Variants in ROR1 observed in about 807,000 individuals in gnomAD.
ROR1 encodes ROR family WNT receptor 1, also known as inactive tyrosine-protein kinase transmembrane receptor ROR1.
ROR1 carries 19 observed loss-of-function variants against 78.8 expected under a neutral mutation model. The ratio of observed to expected loss-of-function variants is 0.24; its 90% CI spans 0.17 to 0.35. The LOEUF is 0.35. Among genes scored for constraint, ROR1 ranks in the 10% least tolerant of loss-of-function variants. The probability of loss-of-function intolerance (pLI) is 1.00; values close to 1 mark genes in which losing one functional copy is unlikely to be tolerated. For synonymous variants in ROR1, 386 were observed against 433.6 expected (o/e 0.89, Z 1.36); for missense variants, 917 against 1,177.8 (o/e 0.78, Z 3.24).
At chr1:64,066,392 AC>A (rs1478899752) in intron 4 of ROR1, among the ~76,000 whole-genome samples, 1 of 147,460 alleles carries the variant, frequency 6.8e-6, no homozygotes, top group East Asian at 2.0e-4. Flanking sequence ...ATCTTGGCTC[AC>A]TGCAAGCTCC....
chr1:64,171,047 A>C (rs55984200), intron 8 of ROR1, among the ~76,000 whole-genome samples: 1 of 151,806 alleles, frequency 6.6e-6, no homozygotes, highest in Admixed American at 6.6e-5. Context: ...AACTGTTCCA[A>C]CCTCTGCCTG....
At chr1:64,089,296 A>T (rs988324568) in intron 4 of ROR1, among the ~76,000 whole-genome samples, 7 of 151,992 alleles carry the variant, frequency 4.6e-5, no homozygotes, top group Non-Finnish European at 7.4e-5. Flanking sequence ...TGCAGACTCA[A>T]CTTCCCAGGC....
rs534070033 is a variant in ROR1, at chr1:63,793,792, G to A, written c.91+19284G>A. On this transcript the variant is annotated intron_variant, in intron 1 of 8. Transcript: ENST00000371079. ...GGCACATCTGGTGCCTGTGATCAGA[G>A]CCGAGCCATCCAGTCTGAGCTTTGT... Among the ~76,000 whole-genome samples, 13 of 152,308 alleles carry A rather than the reference G, an allele frequency of 8.5e-5. 1 individual carries two copies. The East Asian group carries it at 2.5e-3, about 29-fold the overall frequency.
At chr1:63,858,343 G>T (rs907133815) in intron 1 of ROR1, among the ~76,000 whole-genome samples, 1 of 152,110 alleles carries the variant, frequency 6.6e-6, no homozygotes, top group African/African-American at 2.4e-5. Flanking sequence ...CAAATCTATG[G>T]CCCAGACTGG....
intron 1 of ROR1, among the ~76,000 whole-genome samples, chr1:63,969,590 G>A (rs1297778187): frequency 6.6e-6 from 1 of 151,966 alleles, no homozygotes; most frequent in African/African-American, 2.4e-5. Flanking sequence ...GGCTTCTCCT[G>A]TGTTTCCTGT....
intron 1 of ROR1, among the ~76,000 whole-genome samples, chr1:63,855,178 C>A (rs1645140624): frequency 6.6e-6 from 1 of 152,228 alleles, no homozygotes; most frequent in Non-Finnish European, 1.5e-5. Flanking sequence ...CTTAACCTGA[C>A]CTCCCAACTT....
intron 1 of ROR1, among the ~76,000 whole-genome samples, chr1:63,795,773 T>C (rs921054974): frequency 6.6e-6 from 1 of 152,238 alleles, no homozygotes; most frequent in Non-Finnish European, 1.5e-5. Context: ...TGGAATAGCC[T>C]TATCTTCTGC....
chr1:64,157,084 A>G (rs1415674932), intron 7 of ROR1, among the ~76,000 whole-genome samples: 1 of 152,204 alleles, frequency 6.6e-6, no homozygotes, highest in Non-Finnish European at 1.5e-5. Flanking sequence ...CATAGTAATA[A>G]TAGCTAACAT....
chr1:64,040,162 TG>T (rs1005485808), intron 2 of ROR1, among the ~76,000 whole-genome samples: 1 of 152,132 alleles, frequency 6.6e-6, no homozygotes, highest in Non-Finnish European at 1.5e-5. Context: ...CAGCTAAAGA[TG>T]GGGGTTTAGT....
At chr1:63,924,571 T>C (rs1174015073) in intron 1 of ROR1, among the ~76,000 whole-genome samples, 4 of 152,100 alleles carry the variant, frequency 2.6e-5, no homozygotes, top group African/African-American at 7.2e-5. Flanking sequence ...CTCCCGATAC[T>C]TTCATTCACT....
rs1645981059 is a variant in ROR1, at chr1:63,956,222, T to TCC, written c.92-53081_92-53080dup. On this transcript the variant is annotated intron_variant, in intron 1 of 8. Transcript: ENST00000371079. ...CAACTAGTCTGAGTCCCACAGTGAGTCCCTGTCTCTGAATACATTTCTTCT... is the reference window on the plus strand; with the variant it reads ...CAACTAGTCTGAGTCCCACAGTGAGTCCCCCTGTCTCTGAATACATTTCTTCT... Among the ~76,000 whole-genome samples the TCC allele has an allele frequency of 2.0e-5, 3 of 152,084 alleles. No individual in the cohort carries two copies. The South Asian group carries it at 6.2e-4, about 32-fold the overall frequency.
intron 1 of ROR1, among the ~76,000 whole-genome samples, chr1:63,982,719 C>A (rs1226606513): frequency 6.6e-6 from 1 of 152,092 alleles, no homozygotes; most frequent in Non-Finnish European, 1.5e-5. Context: ...CTAAGAGTAG[C>A]TTTCAAGGAG....
intron 1 of ROR1, among the ~76,000 whole-genome samples, chr1:63,987,333 C>T (rs1171449984): frequency 2.6e-5 from 4 of 152,180 alleles, no homozygotes; most frequent in Non-Finnish European, 5.9e-5. Flanking sequence ...ATGCCTGACC[C>T]ATAAGCACTA....
chr1:63,840,037 GA>G (rs1362020391), intron 1 of ROR1, among the ~76,000 whole-genome samples: 1 of 152,142 alleles, frequency 6.6e-6, no homozygotes, highest in Non-Finnish European at 1.5e-5. Flanking sequence ...AAGTGCTTAT[GA>G]ACAGTAGGAA....
intron 4 of ROR1, among the ~76,000 whole-genome samples, chr1:64,077,446 G>T (rs1647059578): frequency 6.7e-6 from 1 of 149,870 alleles, no homozygotes; most frequent in South Asian, 2.1e-4. Flanking sequence ...AGGCCCTGAA[G>T]GCAGAGGTGG....
rs111588524 is a variant in ROR1, at chr1:63,929,058, A to G, written c.92-80247A>G. On this transcript the variant is annotated intron_variant, in intron 1 of 8. Coordinates refer to ENST00000371079, the MANE Select transcript of ROR1 (RefSeq NM_005012.4). The stretch of plus-strand genomic sequence containing the variant: ...TTACAGTTTATACTAGCAAACACAC[A>G]AATAGGCAGATTGACACTTCCTGCC... Among the ~76,000 whole-genome samples the G allele has an allele frequency of 8.4e-3, 1,275 of 152,316 alleles. 16 individuals are homozygous for G. The highest frequency in any genetic ancestry group is 0.029 in the African/African-American group (1,200 of 41,586).
chr1:63,968,068 C>T (rs1385311067), intron 1 of ROR1, among the ~76,000 whole-genome samples: 1 of 152,154 alleles, frequency 6.6e-6, no homozygotes, highest in Non-Finnish European at 1.5e-5. Context: ...CATACTTCTG[C>T]ATCTGTTTAT....
At chr1:64,072,680 C>T (rs1647016855) in intron 4 of ROR1, among the ~76,000 whole-genome samples, 1 of 152,124 alleles carries the variant, frequency 6.6e-6, no homozygotes, top group South Asian at 2.1e-4. Flanking sequence ...CACAGGTCTG[C>T]CAGGGAATGG....
intron 1 of ROR1, among the ~76,000 whole-genome samples, chr1:63,934,460 G>C (rs192220793): frequency 6.6e-6 from 1 of 152,288 alleles, no homozygotes; most frequent in South Asian, 2.1e-4. Context: ...CCTGGCTCCT[G>C]TAGTAAGCAT....
Sources: gnomAD v4.1 joint callset for allele counts (sites outside exome capture counted in the v4.1 genomes callset) on GRCh38, gnomAD v4.1.1 for gene constraint, MANE v1.5 for transcripts, NCBI Gene and HGNC (gene_info 2026-07-23, HGNC 2026-07-21) for gene names.